The following PDP1 variants were observed in gnomAD, a reference collection of about 807,000 sequenced individuals.
The protein encoded by PDP1 is pyruvate dehyrogenase phosphatase catalytic subunit 1.
A neutral mutation model predicts 37.1 loss-of-function variants in PDP1; 14 were observed. That is an observed-to-expected ratio of 0.38 (90% confidence interval 0.25 to 0.59). PDP1 has a LOEUF of 0.59. Among genes scored for constraint, PDP1 ranks in the 20% least tolerant of loss-of-function variants. The pLI is 0.67. For synonymous variants in PDP1, 251 were observed against 243.3 expected, an observed-to-expected ratio of 1.03 and a Z score of -0.29; for missense variants, 544 against 655.3, an observed-to-expected ratio of 0.83 and a Z score of 1.85.
At chr8:93,920,713 A>G in intron 1 of PDP1, 1 of 927,282 alleles carries the variant, frequency 1.1e-6, no homozygotes, top group Non-Finnish European at 1.3e-6. Context: ...TCCCTGGAGC[A>G]AGTAAATACC....
Position 93,923,503 on chromosome 8 carries a change from C to G in PDP1, c.1444C>G (p.Leu482Val). ...TGAGGATCAGAACGCAGCAACCCAT[C>G]TCATTCGCCACGCTGTGGGCAACAA... Reference protein sequence around the residue: ...VFEDQNAATHLIRHAVGNNEF... With the variant: ...VFEDQNAATHVIRHAVGNNEF... Residue 482 changes from leucine to valine, a missense_variant, in exon 2 of 2, where the codon CTC becomes GTC. By Grantham distance (32) the Leu-to-Val change is conservative. Transcript: ENST00000297598. The surrounding 1 kb of genome is among the most constrained non-coding windows in gnomAD (Gnocchi z 4.3). The G allele has an allele frequency of 2.5e-6, 4 of 1,606,200 alleles. No homozygotes were observed. Among genetic ancestry groups the G allele is most frequent in the East Asian group, 2.2e-5 (1 of 44,644 alleles).
intron 1 of PDP1, chr8:93,921,062 A>G (rs1258330657): frequency 3.1e-6 from 3 of 974,876 alleles, no homozygotes; most frequent in Non-Finnish European, 3.6e-6. Context: ...AGCTACTGCA[A>G]TACTTAAACT....
At position 93,925,269 on chromosome 8, in the gene PDP1, C is replaced by T. The variant is rs1172836419; in HGVS notation, c.*1596C>T. On this transcript the variant is annotated 3_prime_UTR_variant, in exon 2 of 2. Transcript: ENST00000297598. The stretch of plus-strand genomic sequence containing the variant: ...AAATAGACTCAGGAAGATTGCTGCT[C>T]AGAATATCATATAATGTTTATTTTT... 1.2e-5 allele frequency: 2 copies of T among 165,360 alleles called. No individual in the cohort carries two copies. Among genetic ancestry groups the T allele is most frequent in the Admixed American group, 6.6e-5 (1 of 15,150 alleles). 10.2% of individuals were successfully genotyped at this position (165,360 alleles called of 1,614,324 possible).
At chr8:93,921,450 C>T (rs1384734606) in intron 1 of PDP1, 2 of 392,148 alleles carry the variant, frequency 5.1e-6, no homozygotes, top group Admixed American at 6.4e-5. Flanking sequence ...TTACTGTAGT[C>T]ATATATGTAT....
intron 1 of PDP1, chr8:93,917,687 T>C: frequency 5.4e-6 from 5 of 932,894 alleles, no homozygotes. Flanking sequence ...TTGGTTGGCT[T>C]CCTTGTTCTC....
intron 1 of PDP1, chr8:93,921,405 A>G: frequency 1.2e-6 from 1 of 852,550 alleles, no homozygotes; most frequent in Non-Finnish European, 1.4e-6. Context: ...TTATTTAATT[A>G]TGTAGAAATT....
intron 1 of PDP1, among the ~76,000 whole-genome samples, chr8:93,920,149 C>G (rs1468888290): frequency 2.6e-5 from 4 of 152,168 alleles, no homozygotes; most frequent in Non-Finnish European, 5.9e-5. Context: ...AATGATGGTA[C>G]TTTCTACTAC....
intron 1 of PDP1, chr8:93,920,683 T>A (rs1280673122): frequency 1.1e-6 from 1 of 934,814 alleles, no homozygotes; most frequent in Non-Finnish European, 1.3e-6. Context: ...AACCTTAGAC[T>A]ATTATTTGAC....
In PDP1 at chr8:93,923,935, T is replaced by G; in HGVS notation, c.*262T>G. The stretch of plus-strand genomic sequence containing the variant: ...ATCACAGGTGTCTTGAAACATTAGC[T>G]TCTTTTACCAACCTGAGAAAATTAG... On this transcript the variant is annotated 3_prime_UTR_variant, in exon 2 of 2. Coordinates refer to ENST00000297598, the MANE Select transcript of PDP1 (RefSeq NM_018444.4). The surrounding 1 kb of genome is among the most constrained non-coding windows in gnomAD (Gnocchi z 4.3). 2.3e-6 allele frequency: 1 copy of G among 441,282 alleles called. No individual in the cohort carries two copies. Among genetic ancestry groups the G allele is most frequent in the Non-Finnish European group, 4.4e-6 (1 of 228,154 alleles). 27.3% of individuals were successfully genotyped at this position (441,282 alleles called of 1,614,324 possible).
At chr8:93,917,777 T>C (rs1586150076) in intron 1 of PDP1, 18 of 1,354,348 alleles carry the variant, frequency 1.3e-5, no homozygotes, top group Non-Finnish European at 1.5e-5. Flanking sequence ...ACCTCGCCCC[T>C]CCTCCGCTCC....
Position 93,923,499 on chromosome 8 carries a change from C to A in PDP1, c.1440C>A (p.Thr480=). The A allele has an allele frequency of 6.2e-7, 1 of 1,605,778 alleles. No homozygotes were observed. The highest frequency in any genetic ancestry group is 8.5e-7 in the Non-Finnish European group (1 of 1,173,144). The change falls in exon 2 of 2, where the codon ACC becomes ACA. Residue 480 remains threonine, a synonymous_variant. Coordinates refer to ENST00000297598, the MANE Select transcript of PDP1 (RefSeq NM_018444.4). The surrounding 1 kb of genome is among the most constrained non-coding windows in gnomAD (Gnocchi z 4.3). ...TATTTGAGGATCAGAACGCAGCAAC[C>A]CATCTCATTCGCCACGCTGTGGGCA... is the stretch of plus-strand genomic sequence containing the variant. ...SSVFEDQNAA[T]HLIRHAVGNN... is the part of the protein sequence containing the mutation.
intron 1 of PDP1, 152 bp from the exon 2 acceptor site, chr8:93,921,864 G>A: frequency 1.7e-6 from 1 of 596,782 alleles, no homozygotes; most frequent in South Asian, 2.3e-5. Context: ...TGTAGAAATA[G>A]TACATGATGT....
Position 93,922,164 on chromosome 8 carries a change from C to T in PDP1, c.105C>T (p.Ser35=). 6.2e-7 allele frequency: 1 copy of T among 1,614,200 alleles called. No homozygotes were observed. The highest frequency in any genetic ancestry group is 8.5e-7 in the Non-Finnish European group (1 of 1,180,038). The change falls in exon 2 of 2, where the codon TCC becomes TCT. Residue 35 remains serine, a synonymous_variant. Coordinates refer to ENST00000297598, the MANE Select transcript of PDP1 (RefSeq NM_018444.4). This position sits in a 1 kb window ranked among gnomAD's most constrained non-coding sequence, Gnocchi z 4.0. The part of the protein sequence containing the change: ...CYCHHKHLCC[S]SSYIPQSRLR... ...GCCACCACAAACATCTCTGTTGTTC[C>T]TCATCGTACATTCCTCAGAGTCGAC...
intron 1 of PDP1, among the ~76,000 whole-genome samples, chr8:93,918,312 T>C (rs1810152295): frequency 6.6e-6 from 1 of 152,210 alleles, no homozygotes; most frequent in African/African-American, 2.4e-5. Context: ...TTCCGACACA[T>C]TAAATGATTA....
Position 93,917,098 on chromosome 8 carries a change from C to T in PDP1, c.-45+19C>T, listed in dbSNP as rs1031005135. On this transcript the variant is annotated intron_variant, in intron 1 of 1. Coordinates refer to ENST00000297598, the MANE Select transcript of PDP1 (RefSeq NM_018444.4). ...GTGCCCGGTTCGTATTCCCTACTCC[C>T]TGCCACGAGCCGCCCCGTCCGGGAT... 4.3e-6 allele frequency: 2 copies of T among 464,774 alleles called. No homozygotes were observed. The highest frequency in any genetic ancestry group is 2.1e-5 in the African/African-American group (1 of 47,586). The allele number at this position is 464,774 out of a possible 1,614,324, so 28.8% of individuals were successfully genotyped here. A position where few individuals can be genotyped will look rare whatever the true frequency, so the allele number is the denominator to read the frequency against.
Position 93,922,036 on chromosome 8 carries a change from A to T in PDP1, c.-24A>T, listed in dbSNP as rs779914919. 2 of 1,594,648 alleles carry T rather than the reference A, an allele frequency of 1.3e-6. No homozygotes were observed. Among genetic ancestry groups the T allele is most frequent in the Non-Finnish European group, 8.6e-7 (1 of 1,166,860 alleles). Reference sequence around the variant, plus strand: ...TCTAGGAATCCCAGTCAGAAGTTCCAGCCTGCCACTGTTCTCTGATGCCAT... The same window carrying T: ...TCTAGGAATCCCAGTCAGAAGTTCCTGCCTGCCACTGTTCTCTGATGCCAT... On this transcript the variant is annotated 5_prime_UTR_variant, in exon 2 of 2. Transcript: ENST00000297598. The surrounding 1 kb of genome is among the most constrained non-coding windows in gnomAD (Gnocchi z 4.0).
chr8:93,923,617 A>G lies in PDP1; in HGVS notation c.1558A>G (p.Ile520Val), dbSNP rs202145000. Residue 520 changes from isoleucine (I) to valine (V), a missense_variant, in exon 2 of 2, where the codon ATC (isoleucine) becomes GTC (valine). Ile to Val is a conservative substitution (Grantham distance 29). Transcript: ENST00000297598. The surrounding 1 kb of genome is among the most constrained non-coding windows in gnomAD (Gnocchi z 4.3). ...LARMYRDDIT[I>V]IVVQFNSHVV... The stretch of plus-strand genomic sequence containing the variant: ...TCGAATGTACAGAGATGACATTACA[A>G]TCATTGTAGTTCAGTTCAATTCTCA... The G allele has an allele frequency of 3.5e-5, 57 of 1,614,182 alleles. No homozygotes were observed. The Admixed American group carries it at 8.3e-4, about 24-fold the overall frequency.
rs372548037 is a variant in PDP1, at chr8:93,917,057, C to A, written c.-67C>A. On this transcript the variant is annotated 5_prime_UTR_variant, in exon 1 of 2. Transcript: ENST00000297598. ...TCGCCCCCTCCTCGTCGGGAAGAAT[C>A]GTTTGGTCTCCTGCCGTGCCCGGTT... is the stretch of plus-strand genomic sequence containing the variant. 2.1e-5 allele frequency: 10 copies of A among 479,796 alleles called. No individual in the cohort carries two copies. The highest frequency in any genetic ancestry group is 3.7e-5 in the Non-Finnish European group (9 of 242,168). 29.7% of individuals were successfully genotyped at this position (479,796 alleles called of 1,614,324 possible).
chr8:93,918,607 T>C (rs1202500752), intron 1 of PDP1, among the ~76,000 whole-genome samples: 1 of 152,214 alleles, frequency 6.6e-6, no homozygotes, highest in Non-Finnish European at 1.5e-5. Flanking sequence ...GATCATGGAA[T>C]AGGAAATTTT....
Sources: allele counts gnomAD v4.1 joint callset (sites outside exome capture counted in the v4.1 genomes callset), GRCh38; gene constraint gnomAD v4.1.1; non-coding constraint Gnocchi (gnomAD v3.1); transcripts MANE v1.5; gene names NCBI Gene and HGNC (gene_info 2026-07-23, HGNC 2026-07-21).